The following ABCC4 variants were observed in gnomAD, a reference collection of about 807,000 sequenced individuals.
ABCC4 encodes ATP binding cassette subfamily C member 4 (PEL blood group), also known as ATP-binding cassette sub-family C member 4.
A neutral mutation model predicts 168.5 loss-of-function variants in ABCC4; 102 were observed. The ratio of observed to expected loss-of-function variants is 0.61; its 90% CI spans 0.52 to 0.71. ABCC4 has a LOEUF of 0.71. Among genes scored for constraint, ABCC4 ranks in the 30% least tolerant of loss-of-function variants. The pLI is 0.00. For missense variants in ABCC4, 1,402 were observed against 1,605.8 expected (o/e 0.87, Z 2.17); for synonymous variants, 617 against 590.7 (o/e 1.04, Z -0.65).
chr13:95,294,587 A>C (rs977498881), intron 1 of ABCC4, among the ~76,000 whole-genome samples: 5 of 152,218 alleles, frequency 3.3e-5, no homozygotes, highest in African/African-American at 1.2e-4. Flanking sequence ...GAAGCGAGAC[A>C]CCTTTTGCAA....
chr13:95,178,448 T>A (rs1005803865), intron 11 of ABCC4, among the ~76,000 whole-genome samples: 2 of 152,260 alleles, frequency 1.3e-5, no homozygotes, highest in East Asian at 3.9e-4. Flanking sequence ...TAAGAGGTGA[T>A]AAGTGCTAAG....
chr13:95,097,634 G>A (rs1298318651), intron 20 of ABCC4, among the ~76,000 whole-genome samples: 5 of 115,242 alleles, frequency 4.3e-5, no homozygotes, highest in African/African-American at 6.9e-5. Flanking sequence ...ACAGGGGACC[G>A]TTACCAAAGT....
chr13:95,191,235 G>A (rs1190882977), intron 9 of ABCC4, among the ~76,000 whole-genome samples: 4 of 152,158 alleles, frequency 2.6e-5, no homozygotes, highest in African/African-American at 7.2e-5. Flanking sequence ...ACCTGGAAAC[G>A]ACTTAATGGT....
chr13:95,190,043 A>C (rs1453683531), intron 9 of ABCC4, among the ~76,000 whole-genome samples: 2 of 152,124 alleles, frequency 1.3e-5, no homozygotes, highest in Non-Finnish European at 2.9e-5. Context: ...TAATGTTAAA[A>C]AAAAAAAAGT....
intron 17 of ABCC4, 30 bp downstream of exon 17, chr13:95,163,580 A>G (rs11568650): frequency 0.063 from 100,296 of 1,592,356 alleles, 3,601 homozygotes; most frequent in Middle Eastern, 0.11. Flanking sequence ...ATTTTGGAGT[A>G]TTTCATACAT....
chr13:95,293,872 C>G (rs1277998388), intron 1 of ABCC4, among the ~76,000 whole-genome samples: 2 of 151,804 alleles, frequency 1.3e-5, no homozygotes, highest in Non-Finnish European at 2.9e-5. Flanking sequence ...CCTCCACCTC[C>G]TGGGTTAAAG....
intron 27 of ABCC4, among the ~76,000 whole-genome samples, chr13:95,047,138 T>A (rs1167838888): frequency 1.3e-5 from 2 of 152,208 alleles, no homozygotes; most frequent in East Asian, 1.9e-4. Flanking sequence ...GGTATGTGTA[T>A]GTTCATAATA....
chr13:95,148,810 T>A (rs1304308507), intron 19 of ABCC4: 2 of 152,160 alleles, frequency 1.3e-5, no homozygotes, highest in African/African-American at 4.8e-5. Context: ...GAGGTACTTA[T>A]TTTGCCATAT....
chr13:95,290,969 G>A lies in ABCC4; in HGVS notation c.74+10272C>T, dbSNP rs568750642. Among the ~76,000 whole-genome samples, 20 of 122,052 alleles carry A rather than the reference G, an allele frequency of 1.6e-4. No individual in the cohort carries two copies. In the South Asian group the frequency reaches 4.9e-3, roughly 30 times the overall value. The allele number at this position is 122,052 out of a possible 152,430, so 80.1% of individuals were successfully genotyped here. On this transcript the variant is annotated intron_variant, in intron 1 of 30. Transcript: ENST00000645237. ...GCTGAGGTTGCGCCACTGCACTTCGGCCTGGGCGACAGAGCAAGACCCTGT... is the reference window on the plus strand; with the variant it reads ...GCTGAGGTTGCGCCACTGCACTTCGACCTGGGCGACAGAGCAAGACCCTGT...
intron 4 of ABCC4, among the ~76,000 whole-genome samples, chr13:95,219,420 G>T (rs959149152): frequency 1.3e-5 from 2 of 152,164 alleles, no homozygotes; most frequent in African/African-American, 2.4e-5. Flanking sequence ...CAAATACATG[G>T]TCTAGGGTTA....
intron 30 of ABCC4, among the ~76,000 whole-genome samples, chr13:95,024,206 CAAAAAAA>C (rs71207428): frequency 2.3e-5 from 1 of 43,944 alleles, no homozygotes; most frequent in Non-Finnish European, 5.2e-5. Flanking sequence ...GAGACTGTCT[CAAAAAAA>C]AAAAAAAAAA....
At chr13:95,138,902 C>A (rs1299337840) in intron 19 of ABCC4, among the ~76,000 whole-genome samples, 1 of 152,232 alleles carries the variant, frequency 6.6e-6, no homozygotes, top group Admixed American at 6.5e-5. Context: ...CTGGGCAGCT[C>A]CTTTCCCTTA....
rs868207659 is a variant in ABCC4, at chr13:95,159,093, T to A, written c.2455+2096A>T. On this transcript the variant is annotated intron_variant, in intron 19 of 30. Coordinates refer to ENST00000645237, the MANE Select transcript of ABCC4 (RefSeq NM_005845.5). ...ATGAGACCTTATTTCTAAATAAATT[T>A]TATATATATATATATATATATATAT... is the stretch of plus-strand genomic sequence containing the variant. Among the ~76,000 whole-genome samples the A allele has an allele frequency of 4.9e-4, 30 of 60,984 alleles. 1 individual carries two copies. The highest frequency in any genetic ancestry group is 9.9e-4 in the Admixed American group (4 of 4,048). 40.0% of individuals were successfully genotyped at this position (60,984 alleles called of 152,430 possible).
At chr13:95,071,206 T>C (rs1175861370) in intron 25 of ABCC4, among the ~76,000 whole-genome samples, 3 of 152,174 alleles carry the variant, frequency 2.0e-5, no homozygotes, top group African/African-American at 7.2e-5. Flanking sequence ...TTCTGTAAAT[T>C]GCCTAGTCTT....
At chr13:95,061,041 C>A (rs2033270766) in intron 26 of ABCC4, among the ~76,000 whole-genome samples, 1 of 152,156 alleles carries the variant, frequency 6.6e-6, no homozygotes, top group African/African-American at 2.4e-5. Flanking sequence ...AGCATAATGT[C>A]TTTAGGGTAT....
chr13:95,062,852 A>G lies in ABCC4; in HGVS notation c.3218T>C (p.Ile1073Thr). The change falls in exon 26 of 31, where the codon ATT (isoleucine) becomes ACT (threonine). Residue 1073 changes from isoleucine to threonine, a missense_variant. Ile to Thr is a moderately conservative substitution (Grantham distance 89). Transcript: ENST00000645237. ...ALIKSQEKVGIVGRTGAGKSS... is the reference protein window; with the variant it reads ...ALIKSQEKVGTVGRTGAGKSS... ...TTTTCCAGCTCCGGTTCTTCCCACA[A>G]TGCCAACCTACAGAGAGATCCAGGC... is the stretch of plus-strand genomic sequence containing the variant. 6.2e-7 allele frequency: 1 copy of G among 1,611,078 alleles called. No individual in the cohort carries two copies. Among genetic ancestry groups the G allele is most frequent in the Non-Finnish European group, 8.5e-7 (1 of 1,179,476 alleles).
At chr13:95,142,967 A>G (rs2036369487) in intron 19 of ABCC4, among the ~76,000 whole-genome samples, 1 of 152,188 alleles carries the variant, frequency 6.6e-6, no homozygotes. Context: ...TCTCATCACC[A>G]TGATTTATGG....
At chr13:95,022,216 T>C (rs2031131400) in intron 30 of ABCC4, among the ~76,000 whole-genome samples, 1 of 152,166 alleles carries the variant, frequency 6.6e-6, no homozygotes, top group South Asian at 2.1e-4. Context: ...CCTATAGAAA[T>C]GTGGTCTGTG....
intron 19 of ABCC4, among the ~76,000 whole-genome samples, chr13:95,125,252 GTTCTAT>G (rs1157439018): frequency 6.6e-6 from 1 of 152,126 alleles, no homozygotes; most frequent in African/African-American, 2.4e-5. Context: ...ACATTTGCAA[GTTCTAT>G]TAAATGTCTA....
Sources: allele counts gnomAD v4.1 joint callset (sites outside exome capture counted in the v4.1 genomes callset), GRCh38; gene constraint gnomAD v4.1.1; transcripts MANE v1.5; gene names NCBI Gene and HGNC (gene_info 2026-07-23, HGNC 2026-07-21).